RARB: variants seen among roughly 807,000 people sequenced by gnomAD.
RARB encodes retinoic acid receptor beta.
In RARB, 17 loss-of-function variants were observed where a neutral mutation model predicts 51.9. The ratio of observed to expected loss-of-function variants is 0.33; its 90% CI spans 0.22 to 0.49. RARB has a LOEUF of 0.49. Ranked by LOEUF, RARB falls within the 20% of genes least tolerant of loss-of-function variation. The pLI, the probability that RARB is intolerant of heterozygous loss-of-function variation, is 0.99. For missense variants in RARB, 369 were observed against 550.8 expected, an observed-to-expected ratio of 0.67 and a Z score of 3.30; for synonymous variants, 215 against 195.4, an observed-to-expected ratio of 1.10 and a Z score of -0.84.
intron 3 of RARB, among the ~76,000 whole-genome samples, chr3:25,543,246 A>T (rs938685112): frequency 6.6e-6 from 1 of 152,304 alleles, no homozygotes; most frequent in Middle Eastern, 3.4e-3. Flanking sequence ...GTCTGAACAG[A>T]TAAAAGACTT....
At chr3:25,561,544 C>A (rs1442197513) in intron 3 of RARB, among the ~76,000 whole-genome samples, 10 of 151,236 alleles carry the variant, frequency 6.6e-5, no homozygotes, top group Non-Finnish European at 1.5e-5. Context: ...GTGCTCTTTC[C>A]GAGGTTCAAG....
intron 1 of RARB, among the ~76,000 whole-genome samples, chr3:24,855,057 G>A (rs1191243376): frequency 6.6e-6 from 1 of 152,200 alleles, no homozygotes; most frequent in Non-Finnish European, 1.5e-5. Flanking sequence ...TCCAAGTGAT[G>A]AGTATGCTAC....
intron 5 of RARB, among the ~76,000 whole-genome samples, chr3:25,404,378 T>G (rs1424748031): frequency 1.3e-5 from 2 of 152,240 alleles, no homozygotes; most frequent in Non-Finnish European, 2.9e-5. Flanking sequence ...GTTGACTTGC[T>G]AATGCTTATT....
chr3:25,511,242 C>T (rs1380617868), intron 3 of RARB, among the ~76,000 whole-genome samples: 7 of 152,090 alleles, frequency 4.6e-5, no homozygotes, highest in Non-Finnish European at 1.0e-4. Flanking sequence ...ACGCCATTCT[C>T]CTGCCTCAGC....
chr3:25,228,650 G>T (rs9812266), intron 5 of RARB, among the ~76,000 whole-genome samples: 1 of 151,758 alleles, frequency 6.6e-6, no homozygotes, highest in East Asian at 1.9e-4. Flanking sequence ...TTTTTTTGGT[G>T]GGAGACCAGG....
chr3:25,121,711 G>A (rs2125329464), intron 3 of RARB, among the ~76,000 whole-genome samples: 1 of 152,256 alleles, frequency 6.6e-6, no homozygotes, highest in South Asian at 2.1e-4. Context: ...GAGGTGTTTA[G>A]TAAATACTTG....
chr3:25,055,235 T>G (rs1195703059), intron 2 of RARB, among the ~76,000 whole-genome samples: 1 of 152,166 alleles, frequency 6.6e-6, no homozygotes, highest in Admixed American at 6.5e-5. Flanking sequence ...TTTGGTAAAT[T>G]AAAAGAGAAG....
chr3:25,309,631 G>A (rs893445628), intron 5 of RARB, among the ~76,000 whole-genome samples: 4 of 150,908 alleles, frequency 2.7e-5, no homozygotes, highest in African/African-American at 9.8e-5. Context: ...CTGAGTAGCT[G>A]GGATTACAGG....
intron 5 of RARB, among the ~76,000 whole-genome samples, chr3:25,344,948 T>C (rs1705343745): frequency 2.0e-5 from 1 of 50,314 alleles, no homozygotes; most frequent in Admixed American, 2.4e-4. Context: ...ATTTGGCATG[T>C]TTGTAAGTTA....
chr3:25,574,919 C>T (rs886194806), intron 4 of RARB, among the ~76,000 whole-genome samples: 36 of 152,070 alleles, frequency 2.4e-4, no homozygotes, highest in African/African-American at 7.7e-4. Context: ...GTGGGGGCCA[C>T]GAAACCCGAG....
At chr3:25,493,197 G>C (rs35536382) in intron 2 of RARB, among the ~76,000 whole-genome samples, 1 of 151,990 alleles carries the variant, frequency 6.6e-6, no homozygotes, top group Non-Finnish European at 1.5e-5. Context: ...AAATAATAGG[G>C]TGTTTTTCTA....
At chr3:25,208,437 A>G (rs1701612140) in intron 5 of RARB, among the ~76,000 whole-genome samples, 1 of 152,128 alleles carries the variant, frequency 6.6e-6, no homozygotes, top group South Asian at 2.1e-4. Flanking sequence ...TGACCTTTCA[A>G]GCAAGTCATT....
At chr3:25,146,314 T>C (rs1027107363) in intron 4 of RARB, among the ~76,000 whole-genome samples, 3 of 152,128 alleles carry the variant, frequency 2.0e-5, no homozygotes, top group Non-Finnish European at 4.4e-5. Flanking sequence ...TAGTAAATAT[T>C]TGGGGCTATG....
At chr3:25,438,337 A>G (rs945080627) in intron 1 of RARB, among the ~76,000 whole-genome samples, 78 of 152,198 alleles carry the variant, frequency 5.1e-4, no homozygotes, top group African/African-American at 1.9e-3. Context: ...GCCCAGATTC[A>G]ATAACTACCT....
rs539753432 is a variant in RARB at position 25,219,275 on chromosome 3, A to AT, written c.178+44700_178+44701insT. ...GAATTACCTCTAGGTTAAAAAAAAA[A>AT]ATATGTATCCATACACCATCTTATA... On this transcript the variant is annotated intron_variant, in intron 5 of 11. Transcript: ENST00000383772. 8.6e-4 allele frequency among the ~76,000 whole-genome samples: 131 copies of AT among 151,914 alleles called. 2 individuals carry two copies. In the South Asian group the frequency reaches 0.016, roughly 19 times the overall value.
intron 2 of RARB, among the ~76,000 whole-genome samples, chr3:24,875,588 T>C (rs1575048098): frequency 6.6e-6 from 1 of 152,112 alleles, no homozygotes; most frequent in East Asian, 1.9e-4. Flanking sequence ...TGTATATATA[T>C]TGCAACTTCA....
At chr3:24,863,062 C>G (rs370863926) in intron 2 of RARB, among the ~76,000 whole-genome samples, 2 of 152,234 alleles carry the variant, frequency 1.3e-5, no homozygotes, top group South Asian at 2.1e-4. Flanking sequence ...AGAATAGCCC[C>G]ATATTAACAC....
At chr3:24,894,438 C>T (rs982700307) in intron 2 of RARB, among the ~76,000 whole-genome samples, 4 of 152,122 alleles carry the variant, frequency 2.6e-5, no homozygotes, top group Non-Finnish European at 5.9e-5. Context: ...CTACAAAGGA[C>T]ATGATTTTAT....
At chr3:25,398,813 A>T (rs1214380412) in intron 5 of RARB, among the ~76,000 whole-genome samples, 1 of 152,206 alleles carries the variant, frequency 6.6e-6, no homozygotes, top group African/African-American at 2.4e-5. Flanking sequence ...GTGTATATAA[A>T]TGTTCTAATG....
Sources: allele counts gnomAD v4.1 joint callset (sites outside exome capture counted in the v4.1 genomes callset), GRCh38; gene constraint gnomAD v4.1.1; transcripts MANE v1.5; gene names NCBI Gene and HGNC (gene_info 2026-07-23, HGNC 2026-07-21).